Variants in TLK2 observed in about 807,000 individuals in gnomAD.
TLK2 encodes serine/threonine-protein kinase tousled-like 2.
Under a neutral mutation model 117.3 loss-of-function variants are expected in TLK2, and 6 were observed. The observed-to-expected ratio is 0.05, with a 90% CI of 0.03 to 0.10. The LOEUF is 0.10. TLK2 is among the 10% of genes least tolerant of loss of function. The pLI is 1.00. For synonymous variants in TLK2, 257 were observed against 316.7 expected (o/e 0.81, Z 2.00); for missense variants, 299 against 901.2 (o/e 0.33, Z 8.56).
intron 17 of TLK2, among the ~76,000 whole-genome samples, chr17:62,598,670 G>A (rs1388557677): frequency 6.6e-6 from 1 of 151,194 alleles, no homozygotes; most frequent in Non-Finnish European, 1.5e-5. Context: ...GATTACAGAT[G>A]CACGCCACCA....
intron 2 of TLK2, among the ~76,000 whole-genome samples, chr17:62,504,307 G>A (rs2074478071): frequency 6.6e-6 from 1 of 152,086 alleles, no homozygotes; most frequent in Admixed American, 6.6e-5. Context: ...CATCCATAAG[G>A]TAGGTGGTTT....
chr17:62,486,275 G>A lies in TLK2; in HGVS notation c.81+5069G>A, dbSNP rs538403821. On this transcript the variant is annotated intron_variant, in intron 2 of 21. Coordinates refer to ENST00000346027, the MANE Select transcript of TLK2 (RefSeq NM_006852.6). ...AGGTTCAAGCGATTCTCTTGCCTCAGCCTCCCCAAGTAGCTAGGACTACAG... is the reference window on the plus strand; with the variant it reads ...AGGTTCAAGCGATTCTCTTGCCTCAACCTCCCCAAGTAGCTAGGACTACAG... Among the ~76,000 whole-genome samples, 4 of 152,104 alleles carry A rather than the reference G, an allele frequency of 2.6e-5. No individual in the cohort carries two copies. In the South Asian group the frequency reaches 8.3e-4, roughly 32 times the overall value.
intron 2 of TLK2, among the ~76,000 whole-genome samples, chr17:62,491,792 G>T (rs1395646119): frequency 6.6e-6 from 1 of 152,082 alleles, no homozygotes; most frequent in African/African-American, 2.4e-5. Context: ...CACCGTGTTG[G>T]CCAGGATGGT....
intron 2 of TLK2, among the ~76,000 whole-genome samples, chr17:62,498,687 A>G (rs1316209021): frequency 1.3e-5 from 2 of 151,988 alleles, no homozygotes; most frequent in African/African-American, 4.8e-5. Flanking sequence ...CACCGGGCCT[A>G]GCCAAGCCCT....
At chr17:62,588,954 A>G (rs910020380) in intron 16 of TLK2, among the ~76,000 whole-genome samples, 1 of 152,224 alleles carries the variant, frequency 6.6e-6, no homozygotes, top group South Asian at 2.1e-4. Context: ...TAACCCTGCT[A>G]GTAAGGTCTG....
intron 16 of TLK2, among the ~76,000 whole-genome samples, chr17:62,594,785 C>T (rs927416087): frequency 7.3e-6 from 1 of 136,072 alleles, no homozygotes; most frequent in South Asian, 2.3e-4. Flanking sequence ...CATTGCAGGG[C>T]GGGTACACAC....
Position 62,552,861 on chromosome 17 carries a change from T to C in TLK2, c.627+464T>C, listed in dbSNP as rs151109145. ...GTACTTGTAGTAGGCTTTCAATAAA[T>C]GTTAATTCTCTAATTTATGAAAGTA... On this transcript the variant is annotated intron_variant, in intron 8 of 21. Transcript: ENST00000346027. Among the ~76,000 whole-genome samples, 265 of 152,358 alleles carry C rather than the reference T, an allele frequency of 1.7e-3. 1 individual carries two copies. The highest frequency in any genetic ancestry group is 6.0e-3 in the African/African-American group (249 of 41,586).
At chr17:62,589,374 C>T (rs1366928356) in intron 16 of TLK2, among the ~76,000 whole-genome samples, 2 of 152,052 alleles carry the variant, frequency 1.3e-5, no homozygotes, top group East Asian at 3.8e-4. Context: ...TTTGAAAAAT[C>T]TAAATATATG....
intron 1 of TLK2, among the ~76,000 whole-genome samples, chr17:62,480,442 C>G (rs2071500249): frequency 6.6e-6 from 1 of 152,162 alleles, no homozygotes. Flanking sequence ...TGTCCAGAAT[C>G]AAGAGAAAAC....
intron 1 of TLK2, among the ~76,000 whole-genome samples, chr17:62,471,937 C>CG (rs923597083): frequency 2.0e-5 from 2 of 100,450 alleles, no homozygotes; most frequent in Non-Finnish European, 3.6e-5. Context: ...CTTACTCTGT[C>CG]GCCTAGGCTG....
chr17:62,503,562 C>T (rs1309607965), intron 2 of TLK2, among the ~76,000 whole-genome samples: 4 of 151,660 alleles, frequency 2.6e-5, no homozygotes, highest in South Asian at 2.1e-4. Context: ...GGATTATGGA[C>T]GTTGTGCCAC....
At chr17:62,551,035 C>G (rs1390499796) in intron 7 of TLK2, 1 of 152,340 alleles carries the variant, frequency 6.6e-6, no homozygotes, top group Admixed American at 6.5e-5. Context: ...CCAGGCTGGT[C>G]TCGAGCTTCT....
chr17:62,534,725 A>T (rs565496123), intron 6 of TLK2, among the ~76,000 whole-genome samples: 1 of 152,048 alleles, frequency 6.6e-6, no homozygotes, highest in African/African-American at 2.4e-5. Flanking sequence ...TACATTGGCT[A>T]AAACTTTCAT....
chr17:62,557,407 CA>C (rs1300771348), intron 9 of TLK2, among the ~76,000 whole-genome samples: 12 of 152,076 alleles, frequency 7.9e-5, no homozygotes, highest in Non-Finnish European at 7.4e-5. Context: ...TGATCATTTT[CA>C]TTGTTTTCAA....
At chr17:62,540,966 C>T (rs2077485623) in intron 7 of TLK2, among the ~76,000 whole-genome samples, 2 of 152,122 alleles carry the variant, frequency 1.3e-5, no homozygotes, top group Non-Finnish European at 2.9e-5. Context: ...ATTCCATGCA[C>T]GCTAGCCACC....
At chr17:62,572,077 C>T (rs935993913) in intron 11 of TLK2, among the ~76,000 whole-genome samples, 4 of 149,922 alleles carry the variant, frequency 2.7e-5, no homozygotes, top group Admixed American at 6.7e-5. Context: ...GGCTGAGGCA[C>T]GAGAATCACT....
chr17:62,504,215 C>A (rs1273291439), intron 2 of TLK2, among the ~76,000 whole-genome samples: 1 of 152,160 alleles, frequency 6.6e-6, no homozygotes, highest in African/African-American at 2.4e-5. Context: ...AACTAATAAT[C>A]TTCATTGAGC....
intron 2 of TLK2, among the ~76,000 whole-genome samples, chr17:62,513,366 A>T: frequency 1.5e-5 from 2 of 129,698 alleles, no homozygotes; most frequent in African/African-American, 5.9e-5. Context: ...TCTGTTGCCC[A>T]GGCTGGAGTG....
At position 62,489,483 on chromosome 17, in the gene TLK2, A is replaced by G. The variant is rs139348030; in HGVS notation, c.81+8277A>G. Among the ~76,000 whole-genome samples the G allele has an allele frequency of 5.2e-3, 796 of 152,254 alleles. 5 individuals carry two copies. Among genetic ancestry groups the G allele is most frequent in the African/African-American group, 0.018 (758 of 41,546 alleles). ...CTTGGCCTCCCAAAGTGCTGGGATT[A>G]CAGGTGTGAGCTACTGTGCCCAGTC... On this transcript the variant is annotated intron_variant, in intron 2 of 21. Transcript: ENST00000346027.
Sources: allele counts gnomAD v4.1 joint callset (sites outside exome capture counted in the v4.1 genomes callset), GRCh38; gene constraint gnomAD v4.1.1; transcripts MANE v1.5; gene names NCBI Gene and HGNC (gene_info 2026-07-23, HGNC 2026-07-21).